The following ELAPOR2 variants were observed in gnomAD, a reference collection of about 807,000 sequenced individuals.
The protein encoded by ELAPOR2 is endosome-lysosome associated apoptosis and autophagy regulator family member 2.
Under a neutral mutation model 120.7 loss-of-function variants are expected in ELAPOR2, and 89 were observed. The observed-to-expected ratio is 0.74, with a 90% CI of 0.62 to 0.88. The LOEUF (loss-of-function observed/expected upper bound fraction) is 0.88. ELAPOR2 is among the 40% of genes least tolerant of loss of function. The pLI, the probability that ELAPOR2 is intolerant of heterozygous loss-of-function variation, is 0.00. For synonymous variants in ELAPOR2, 444 were observed against 444.9 expected (o/e 1.00, Z 0.03); for missense variants, 1,134 against 1,251.6 (o/e 0.91, Z 1.42).
At chr7:86,912,051 A>C (rs538411603) in intron 15 of ELAPOR2, 21 bp downstream of exon 15, 1 of 1,590,870 alleles carries the variant, frequency 6.3e-7, no homozygotes, top group South Asian at 1.1e-5. Flanking sequence ...GGTCCATCTC[A>C]CCTTGACAGC....
intron 1 of ELAPOR2, among the ~76,000 whole-genome samples, chr7:87,008,243 AAC>A (rs775072435): frequency 1.3e-5 from 2 of 152,202 alleles, no homozygotes; most frequent in Non-Finnish European, 2.9e-5. Context: ...ACATTCCACA[AAC>A]CCAACTGGAC....
chr7:86,884,027 A>C (rs1295805503), intron 21 of ELAPOR2, among the ~76,000 whole-genome samples: 2 of 152,200 alleles, frequency 1.3e-5, no homozygotes, highest in African/African-American at 4.8e-5. Flanking sequence ...AGGGACGGAT[A>C]TGTAATAATA....
chr7:87,019,829 A>T (rs1349635673), intron 1 of ELAPOR2, among the ~76,000 whole-genome samples: 1 of 152,184 alleles, frequency 6.6e-6, no homozygotes, highest in Non-Finnish European at 1.5e-5. Context: ...TTCTATATAA[A>T]GGGATATTCA....
chr7:86,936,092 T>G (rs1225846543), intron 8 of ELAPOR2, among the ~76,000 whole-genome samples: 1 of 151,804 alleles, frequency 6.6e-6, no homozygotes, highest in African/African-American at 2.4e-5. Context: ...CAAAATAAGA[T>G]CAAAGAGAAC....
At chr7:86,916,290 G>C (rs1270086087) in intron 12 of ELAPOR2, among the ~76,000 whole-genome samples, 1 of 152,192 alleles carries the variant, frequency 6.6e-6, no homozygotes, top group Non-Finnish European at 1.5e-5. Flanking sequence ...TGACTGAAAG[G>C]AGTAAGAGAG....
intron 18 of ELAPOR2, among the ~76,000 whole-genome samples, chr7:86,899,599 A>C (rs1227544314): frequency 6.6e-6 from 1 of 152,182 alleles, no homozygotes; most frequent in African/African-American, 2.4e-5. Flanking sequence ...AGTTAACTAA[A>C]TATATTCTAA....
chr7:87,054,293 C>T (rs965334194), intron 1 of ELAPOR2, among the ~76,000 whole-genome samples: 3 of 152,190 alleles, frequency 2.0e-5, no homozygotes, highest in African/African-American at 7.2e-5. Context: ...CTATACTATG[C>T]TCTGCTATTT....
intron 2 of ELAPOR2, among the ~76,000 whole-genome samples, chr7:86,963,147 C>T (rs962955890): frequency 3.9e-5 from 6 of 152,132 alleles, no homozygotes; most frequent in Non-Finnish European, 8.8e-5. Context: ...AAAGTATTAT[C>T]ATTTTTAAAG....
intron 1 of ELAPOR2, among the ~76,000 whole-genome samples, chr7:87,010,093 A>C (rs1235705998): frequency 1.3e-5 from 2 of 152,202 alleles, no homozygotes; most frequent in African/African-American, 4.8e-5. Flanking sequence ...CTATTGTCAA[A>C]CTTTACAGTG....
Position 86,918,456 on chromosome 7 carries a change from A to G in ELAPOR2, c.1579T>C (p.Leu527=), listed in dbSNP as rs769790249. ...CGTCCACTTACCACCATGAAGTACA[A>G]AACACAGTCAGCTGAACAGAGGGTC... The part of the protein sequence containing the change: ...FETLCSADCV[L]YFMVDINRKS... The change falls in exon 12 of 22, where the codon TTG becomes CTG. Residue 527 remains leucine, a synonymous_variant. Transcript: ENST00000450689. 1.2e-6 allele frequency: 2 copies of G among 1,612,260 alleles called. No individual in the cohort carries two copies. Among genetic ancestry groups the G allele is most frequent in the South Asian group, 2.2e-5 (2 of 90,972 alleles).
chr7:86,907,703 G>C lies in ELAPOR2; in HGVS notation c.2525C>G (p.Thr842Ser). 2.5e-6 allele frequency: 4 copies of C among 1,581,742 alleles called. No individual in the cohort carries two copies. The highest frequency in any genetic ancestry group is 8.6e-7 in the Non-Finnish European group (1 of 1,169,462). Residue 842 changes from threonine to serine, a missense_variant, in exon 18 of 22, where the codon ACT becomes AGT. Thr to Ser is a moderately conservative substitution (Grantham distance 58, BLOSUM62 1). Transcript: ENST00000450689. ...STAVKMRCNPTKSGAGVISVP... is the reference protein window; with the variant it reads ...STAVKMRCNPSKSGAGVISVP... ...TGAAATCACTCCTGCTCCAGATTTA[G>C]TAGGATTACACCTCATTTTCACAGC...
At chr7:87,059,228 G>C (rs1165485792) in intron 1 of ELAPOR2, 97 bp downstream of exon 1, 1 of 1,233,246 alleles carries the variant, frequency 8.1e-7, no homozygotes, top group East Asian at 3.2e-5. Flanking sequence ...CAAAGGAAAA[G>C]GGGATGGCAA....
At chr7:87,042,119 G>C (rs1794807797) in intron 1 of ELAPOR2, among the ~76,000 whole-genome samples, 1 of 149,348 alleles carries the variant, frequency 6.7e-6, no homozygotes, top group South Asian at 2.1e-4. Flanking sequence ...AGCAAGTCCT[G>C]AGTGACCTAC....
At chr7:86,902,882 A>G (rs1788788367) in intron 18 of ELAPOR2, among the ~76,000 whole-genome samples, 2 of 152,030 alleles carry the variant, frequency 1.3e-5, no homozygotes, top group Non-Finnish European at 1.5e-5. Context: ...CTGCAACCCT[A>G]CTCTTTCCTG....
At chr7:86,926,619 T>C (rs1790076952) in intron 9 of ELAPOR2, 117 bp downstream of exon 9, 1 of 1,063,014 alleles carries the variant, frequency 9.4e-7, no homozygotes, top group African/African-American at 1.6e-5. Flanking sequence ...TTTTGTCTAC[T>C]AAAACTAAAA....
intron 1 of ELAPOR2, among the ~76,000 whole-genome samples, chr7:86,978,251 T>C (rs1448245917): frequency 6.6e-6 from 1 of 152,190 alleles, no homozygotes; most frequent in Admixed American, 6.5e-5. Context: ...GACTGTAAGT[T>C]TCCTGAGGCC....
intron 4 of ELAPOR2, 55 bp from the exon 5 acceptor site, chr7:86,942,159 A>C: frequency 9.8e-7 from 1 of 1,024,896 alleles, no homozygotes; most frequent in South Asian, 1.4e-5. Context: ...AGCTTTAATT[A>C]AATTCTGTAC....
At chr7:87,011,223 CATG>C in intron 1 of ELAPOR2, among the ~76,000 whole-genome samples, 3 of 58,650 alleles carry the variant, frequency 5.1e-5, no homozygotes, top group African/African-American at 1.1e-4. Flanking sequence ...AGCCAAGATG[CATG>C]GCGACAGAGC....
intron 1 of ELAPOR2, among the ~76,000 whole-genome samples, chr7:87,026,158 G>A (rs1794236767): frequency 6.6e-6 from 1 of 152,022 alleles, no homozygotes; most frequent in South Asian, 2.1e-4. Flanking sequence ...GGGGAAAGCT[G>A]GAAGAGTTGT....
Sources: gnomAD v4.1 joint callset for allele counts (sites outside exome capture counted in the v4.1 genomes callset) on GRCh38, gnomAD v4.1.1 for gene constraint, MANE v1.5 for transcripts, NCBI Gene and HGNC (gene_info 2026-07-23, HGNC 2026-07-21) for gene names.